Variants in BNIP5 observed in about 807,000 individuals in gnomAD.
BNIP5 encodes BCL2 interacting protein 5, also known as protein BNIP5.
In BNIP5, 61 loss-of-function variants were observed where a neutral mutation model predicts 67.3. The ratio of observed to expected loss-of-function variants is 0.91; its 90% CI spans 0.74 to 1.12. The LOEUF (loss-of-function observed/expected upper bound fraction) is 1.12. Ranked by LOEUF, BNIP5 falls within the 50% of genes most tolerant of loss-of-function variation. The pLI is 0.00. For missense variants in BNIP5, 826 were observed against 816.3 expected, an observed-to-expected ratio of 1.01 and a Z score of -0.14; for synonymous variants, 317 against 319.0, an observed-to-expected ratio of 0.99 and a Z score of 0.07.
chr6:36,316,701 G>T lies in BNIP5; in HGVS notation c.*655C>A. ...CTCACTGACTCCTAGCCAATCCCAT[G>T]AGATGGGAGAGGTGCAAGGTATCAG... On this transcript the variant is annotated 3_prime_UTR_variant, in exon 12 of 12. Coordinates refer to ENST00000437635, the MANE Select transcript of BNIP5 (RefSeq NM_001010903.5). 1 of 398,740 alleles carries T rather than the reference G, an allele frequency of 2.5e-6. No homozygotes were observed. The allele number at this position is 398,740 out of a possible 1,614,324, so 24.7% of individuals were successfully genotyped here. A position where few individuals can be genotyped will look rare whatever the true frequency, so the allele number is the denominator to read the frequency against.
chr6:36,324,333 G>A, intron 6 of BNIP5, 143 bp from the exon 7 acceptor site: 1 of 721,880 alleles, frequency 1.4e-6, no homozygotes, highest in East Asian at 2.5e-5. Context: ...TGAGGGCAGA[G>A]CTGGTTTCAT....
Position 36,316,252 on chromosome 6 carries a change from G to A in BNIP5, c.*1104C>T, listed in dbSNP as rs1771511929. 2.8e-6 allele frequency: 1 copy of A among 357,766 alleles called. No individual in the cohort carries two copies. The highest frequency in any genetic ancestry group is 5.0e-6 in the Non-Finnish European group (1 of 200,442). 22.2% of individuals were successfully genotyped at this position (357,766 alleles called of 1,614,324 possible). ...CTTTCCCCCATGACCACATGTTCTG[G>A]GCAGTGTCCAAGGGAGCCGACTGTC... On this transcript the variant is annotated 3_prime_UTR_variant, in exon 12 of 12. Coordinates refer to ENST00000437635, the MANE Select transcript of BNIP5 (RefSeq NM_001010903.5).
chr6:36,325,136 G>T, intron 6 of BNIP5, 147 bp downstream of exon 6: 1 of 832,760 alleles, frequency 1.2e-6, no homozygotes, highest in Non-Finnish European at 1.9e-6. Context: ...TGGGCTCTGG[G>T]CCCCAAGCTG....
At chr6:36,329,789 C>T (rs939117591) in intron 2 of BNIP5, among the ~76,000 whole-genome samples, 7 of 150,184 alleles carry the variant, frequency 4.7e-5, no homozygotes, top group South Asian at 2.1e-4. Flanking sequence ...CCAGCCTGGG[C>T]GACAGAGGCT....
At position 36,325,329 on chromosome 6, in the gene BNIP5, G is replaced by T. The variant is rs147078499; in HGVS notation, c.1122C>A (p.Ser374Arg). The change falls in exon 6 of 12, where the codon AGC (serine) becomes AGA (arginine). Residue 374 changes from serine (S) to arginine (R), a missense_variant. By Grantham distance (110) the Ser-to-Arg change is moderately radical. Coordinates refer to ENST00000437635, the MANE Select transcript of BNIP5 (RefSeq NM_001010903.5). ...GPSVLPTPSE[S>R]QEPGEELPLD... ...GCGGAAGCTCCTCTCCAGGTTCCTG[G>T]CTCTCTGATGGGGTGGGAAGCACGG... 10 of 1,614,132 alleles carry T rather than the reference G, an allele frequency of 6.2e-6. No individual in the cohort carries two copies. The African/African-American group carries it at 1.2e-4, about 19-fold the overall frequency.
intron 6 of BNIP5, among the ~76,000 whole-genome samples, chr6:36,324,485 G>C (rs932645420): frequency 6.7e-6 from 1 of 148,616 alleles, no homozygotes; most frequent in Non-Finnish European, 1.5e-5. Flanking sequence ...TTCCCTTCAA[G>C]GCATATTTTC....
chr6:36,320,299 G>T (rs1771606202), intron 10 of BNIP5, among the ~76,000 whole-genome samples: 1 of 152,214 alleles, frequency 6.6e-6, no homozygotes, highest in Non-Finnish European at 1.5e-5. Flanking sequence ...GGCCCAGGGG[G>T]TGGCAACTGG....
chr6:36,328,466 G>A, intron 3 of BNIP5, 132 bp downstream of exon 3: 1 of 596,258 alleles, frequency 1.7e-6, no homozygotes, highest in South Asian at 2.4e-5. Context: ...CACCAAAAGA[G>A]GCAAGAAAGG....
rs765612481 is a variant in BNIP5 at position 36,330,519 on chromosome 6, G to A, written c.172C>T (p.His58Tyr). Residue 58 changes from histidine to tyrosine, a missense_variant, in exon 2 of 12, where the codon CAT becomes TAT. Coordinates refer to ENST00000437635, the MANE Select transcript of BNIP5 (RefSeq NM_001010903.5). ...LHWTTSDWAR[H>Y]SDSPAPSAEA... ...GCAGATGGAGCTGGGCTGTCTGAAT[G>A]TCTGGCCCAATCACTGGTCGTCCAG... The A allele has an allele frequency of 8.1e-6, 13 of 1,614,004 alleles. No individual in the cohort carries two copies. In the Admixed American group the frequency reaches 2.0e-4, roughly 25 times the overall value.
At chr6:36,334,209 C>T (rs1582139093) in intron 1 of BNIP5, among the ~76,000 whole-genome samples, 2 of 152,108 alleles carry the variant, frequency 1.3e-5, no homozygotes, top group Non-Finnish European at 2.9e-5. Context: ...GTGATTTGGC[C>T]GCTCCCTCCC....
chr6:36,329,868 AGAG>A (rs1390924401), intron 2 of BNIP5, among the ~76,000 whole-genome samples: 114 of 151,250 alleles, frequency 7.5e-4, no homozygotes, highest in African/African-American at 2.6e-3. Context: ...GAAAGAGAAA[AGAG>A]AGAAAGAAGA....
At chr6:36,329,366 A>G (rs1298107431) in intron 2 of BNIP5, among the ~76,000 whole-genome samples, 1 of 152,220 alleles carries the variant, frequency 6.6e-6, no homozygotes, top group Non-Finnish European at 1.5e-5. Context: ...TCCATGAGAC[A>G]GTAACGTTAT....
intron 7 of BNIP5, 37 bp downstream of exon 7, chr6:36,324,092 A>C (rs2127365334): frequency 6.5e-7 from 1 of 1,550,274 alleles, no homozygotes; most frequent in Non-Finnish European, 8.9e-7. Context: ...GGGAGCCCAC[A>C]GTGAGGTCAG....
rs979908682 is a variant in BNIP5, at chr6:36,327,147, C to T, written c.728-53G>A. ...TTCTTTCTAAATGCACTGACAACTC[C>T]TTCTAAATTACCATCTTGGATAGTT... On this transcript the variant is annotated intron_variant, in intron 3 of 11. Coordinates refer to ENST00000437635, the MANE Select transcript of BNIP5 (RefSeq NM_001010903.5). 7.5e-6 allele frequency: 11 copies of T among 1,465,090 alleles called. No individual in the cohort carries two copies. In the African/African-American group the frequency reaches 1.4e-4, roughly 18 times the overall value. The allele number at this position is 1,465,090 out of a possible 1,614,324, so 90.8% of individuals were successfully genotyped here.
intron 6 of BNIP5, among the ~76,000 whole-genome samples, 189 bp from the exon 7 acceptor site, chr6:36,324,379 A>G (rs1771707626): frequency 6.6e-6 from 1 of 150,866 alleles, no homozygotes. Context: ...ACGGCCTCTA[A>G]ATAGACACCC....
In BNIP5 at chr6:36,326,002, A is replaced by G. The variant is rs568902251; in HGVS notation, c.1036+508T>C. Among the ~76,000 whole-genome samples, 54 of 152,202 alleles carry G rather than the reference A, an allele frequency of 3.5e-4. No homozygotes were observed. In the South Asian group the frequency reaches 8.7e-3, roughly 25 times the overall value. On this transcript the variant is annotated intron_variant, in intron 5 of 11. Transcript: ENST00000437635. The stretch of plus-strand genomic sequence containing the variant: ...TCTGTAAGGTGGGGATAATAGTTGT[A>G]CTCCATGTGATGGCTGTGGGGATAA...
intron 1 of BNIP5, among the ~76,000 whole-genome samples, chr6:36,333,163 T>A (rs1295829482): frequency 1.3e-5 from 2 of 152,346 alleles, no homozygotes; most frequent in East Asian, 1.9e-4. Flanking sequence ...TTGGGATGCC[T>A]TCCCTCCTCC....
At chr6:36,317,456 A>G in intron 11 of BNIP5, 65 bp from the exon 12 acceptor site, 1 of 1,431,578 alleles carries the variant, frequency 7.0e-7, no homozygotes, top group South Asian at 1.1e-5. Context: ...CATTCTGGAA[A>G]CAACAGACTT....
In BNIP5 at chr6:36,319,258, G is replaced by A; in HGVS notation, c.1923+98C>T. ...GACCCAAAAATTCTGAACTGAGCAG[G>A]GGAGGGGAGAGGAGGATAAGTAGAT... On this transcript the variant is annotated intron_variant, in intron 11 of 11. Coordinates refer to ENST00000437635, the MANE Select transcript of BNIP5 (RefSeq NM_001010903.5). 4.1e-6 allele frequency: 6 copies of A among 1,458,830 alleles called. No individual in the cohort carries two copies. In the South Asian group the frequency reaches 7.6e-5, roughly 19 times the overall value. The allele number at this position is 1,458,830 out of a possible 1,614,324, so 90.4% of individuals were successfully genotyped here.
Sources: allele counts gnomAD v4.1 joint callset (sites outside exome capture counted in the v4.1 genomes callset), GRCh38; gene constraint gnomAD v4.1.1; transcripts MANE v1.5; gene names NCBI Gene and HGNC (gene_info 2026-07-23, HGNC 2026-07-21).